Variants in RBPJ observed in about 807,000 individuals in gnomAD.
RBPJ encodes recombination signal binding protein for immunoglobulin kappa J region.
In RBPJ, 9 loss-of-function variants were observed where a neutral mutation model predicts 67.8. That is an observed-to-expected ratio of 0.13 (90% CI 0.08 to 0.23). RBPJ has a LOEUF of 0.23. RBPJ is among the 10% of genes least tolerant of loss of function. RBPJ has a pLI of 1.00. For synonymous variants in RBPJ, 198 were observed against 203.3 expected, an observed-to-expected ratio of 0.97 and a Z score of 0.22; for missense variants, 305 against 595.6, an observed-to-expected ratio of 0.51 and a Z score of 5.08.
In RBPJ at chr4:26,415,458, C is replaced by G; in HGVS notation, c.156-17C>G. On this transcript the variant is annotated splice_polypyrimidine_tract_variant and intron_variant, in intron 3 of 10. Transcript: ENST00000355476. ...ATTTTTGCTTCTTGTTTTTTTTTTT[C>G]CCCTATTATTCTTCAGGTTTTTTTG... 2.0e-6 allele frequency: 3 copies of G among 1,499,210 alleles called. No homozygotes were observed. The highest frequency in any genetic ancestry group is 2.7e-6 in the Non-Finnish European group (3 of 1,117,912). The allele number at this position is 1,499,210 out of a possible 1,614,324, so 92.9% of individuals were successfully genotyped here.
intron 1 of RBPJ, among the ~76,000 whole-genome samples, chr4:26,247,102 C>T (rs1487692860): frequency 6.6e-6 from 1 of 151,066 alleles, no homozygotes; most frequent in Admixed American, 6.6e-5. Flanking sequence ...TTATTGCAGT[C>T]ACTTTATAGT....
chr4:26,275,977 C>T (rs1170550429), intron 1 of RBPJ, among the ~76,000 whole-genome samples: 2 of 150,344 alleles, frequency 1.3e-5, no homozygotes, highest in African/African-American at 2.4e-5. Flanking sequence ...ATGCTAACAG[C>T]TTTAAAGCTA....
chr4:26,337,116 C>T (rs1336879590), intron 1 of RBPJ, among the ~76,000 whole-genome samples: 1 of 151,842 alleles, frequency 6.6e-6, no homozygotes, highest in Non-Finnish European at 1.5e-5. Flanking sequence ...CGACAGCCAC[C>T]ATGCCCAGCT....
intron 1 of RBPJ, among the ~76,000 whole-genome samples, chr4:26,366,845 G>A (rs1728682312): frequency 6.6e-6 from 1 of 152,130 alleles, no homozygotes; most frequent in African/African-American, 2.4e-5. Context: ...ATACAAATAG[G>A]CCGGGCGTCG....
chr4:26,406,210 A>G lies in RBPJ; in HGVS notation c.95A>G (p.Asp32Gly). The G allele has an allele frequency of 6.2e-7, 1 of 1,612,814 alleles. No individual in the cohort carries two copies. The highest frequency in any genetic ancestry group is 8.5e-7 in the Non-Finnish European group (1 of 1,179,152). The change falls in exon 3 of 11, where the codon GAT becomes GGT. Residue 32 changes from aspartate to glycine, a missense_variant. Asp to Gly is a moderately conservative substitution (Grantham distance 94). Around this residue, in one of 7 missense-constraint regions of RBPJ, gnomAD observed 42 missense variants for 43.6 expected, o/e 0.96. Transcript: ENST00000355476. ...CGAAATTATTTAAAAGAGCGAGGGG[A>G]TCAAACAGTACTTATTCTTCATGCA... ...AMRNYLKERG[D>G]QTVLILHAKV... is the part of the protein sequence containing the mutation.
chr4:26,206,077 C>A (rs17771910), intron 1 of RBPJ, among the ~76,000 whole-genome samples: 1 of 151,972 alleles, frequency 6.6e-6, no homozygotes. Context: ...TGGTAGTCTA[C>A]GTGAAAACAC....
chr4:26,323,718 TG>T (rs779891855), intron 1 of RBPJ, among the ~76,000 whole-genome samples: 137 of 152,322 alleles, frequency 9.0e-4, no homozygotes, highest in Non-Finnish European at 1.3e-3. Context: ...TTTCTATCAA[TG>T]TTTTTTTTAA....
At chr4:26,338,926 A>C (rs957619630) in intron 1 of RBPJ, among the ~76,000 whole-genome samples, 3 of 151,306 alleles carry the variant, frequency 2.0e-5, no homozygotes, top group Admixed American at 1.3e-4. Flanking sequence ...ATCTCAGCTC[A>C]CTGCAGTCTC....
chr4:26,318,611 C>CA (rs1321691095), upstream of RBPJ, among the ~76,000 whole-genome samples: 1 of 152,158 alleles, frequency 6.6e-6, no homozygotes, highest in African/African-American at 2.4e-5. Flanking sequence ...AGAATCTATA[C>CA]AAGGCAACAA....
chr4:26,415,113 A>G (rs1030543024), intron 3 of RBPJ, among the ~76,000 whole-genome samples: 18 of 152,230 alleles, frequency 1.2e-4, no homozygotes, highest in African/African-American at 4.3e-4. Flanking sequence ...TAGTAATTAC[A>G]GATTTTTGTG....
chr4:26,194,554 C>G lies in RBPJ; in HGVS notation c.-167+30940C>G, dbSNP rs1452792496. Among the ~76,000 whole-genome samples the G allele has an allele frequency of 2.0e-5, 3 of 152,212 alleles. No individual in the cohort carries two copies. The East Asian group carries it at 5.8e-4, about 29-fold the overall frequency. On this transcript the variant is annotated intron_variant, in intron 1 of 4. Coordinates refer to the RBPJ transcript ENST00000512351. ...GCCACACAGCCTATCAGTGATGGAACCACCAGGTCACATGACTTCAGAAAG... is the reference window on the plus strand; with the variant it reads ...GCCACACAGCCTATCAGTGATGGAAGCACCAGGTCACATGACTTCAGAAAG...
chr4:26,111,174 A>G, the RBPJ span, among the ~76,000 whole-genome samples: 5 of 151,794 alleles, frequency 3.3e-5, no homozygotes, highest in African/African-American at 1.2e-4. Context: ...TCTCCACTCT[A>G]CTGTCAGAGA....
intron 1 of RBPJ, among the ~76,000 whole-genome samples, chr4:26,348,538 AAGTT>A (rs1379604524): frequency 1.3e-5 from 2 of 152,156 alleles, no homozygotes; most frequent in South Asian, 2.1e-4. Flanking sequence ...AGTAAGTAGA[AAGTT>A]AGCATGTACC....
intron 1 of RBPJ, among the ~76,000 whole-genome samples, chr4:26,229,815 G>A (rs941038556): frequency 2.0e-5 from 3 of 152,142 alleles, no homozygotes; most frequent in Non-Finnish European, 4.4e-5. Flanking sequence ...ACTGAGCCAG[G>A]TTTAGAACTC....
At chr4:26,112,130 G>C in the RBPJ span, 8 of 153,146 alleles carry the variant, frequency 5.2e-5, no homozygotes, top group Non-Finnish European at 1.2e-4. Context: ...ACCTGTCAGA[G>C]AGCAGCCAGG....
upstream of RBPJ, among the ~76,000 whole-genome samples, chr4:26,318,474 A>G (rs2109314370): frequency 6.6e-6 from 1 of 152,324 alleles, no homozygotes; most frequent in African/African-American, 2.4e-5. Context: ...AAATACGGAA[A>G]GGTGACGGAA....
intron 1 of RBPJ, among the ~76,000 whole-genome samples, chr4:26,327,892 T>G (rs571017152): frequency 1.3e-5 from 2 of 152,244 alleles, no homozygotes; most frequent in African/African-American, 4.8e-5. Context: ...AGTATGATAT[T>G]GTGTTATAGA....
chr4:26,115,892 A>C, the RBPJ span, among the ~76,000 whole-genome samples: 10 of 152,196 alleles, frequency 6.6e-5, no homozygotes, highest in Admixed American at 4.6e-4. Flanking sequence ...GGTTAACATC[A>C]GTTGAAATAC....
At chr4:26,419,140 G>A (rs1466115625) in intron 4 of RBPJ, among the ~76,000 whole-genome samples, 1 of 152,000 alleles carries the variant, frequency 6.6e-6, no homozygotes, top group Non-Finnish European at 1.5e-5. Context: ...CACCATGCCT[G>A]GATAATTTTT....
Sources: allele counts gnomAD v4.1 joint callset (sites outside exome capture counted in the v4.1 genomes callset), GRCh38; gene constraint gnomAD v4.1.1; regional missense constraint gnomAD v4.1.1; transcripts MANE v1.5; gene names NCBI Gene and HGNC (gene_info 2026-07-23, HGNC 2026-07-21).